The following NBAS variants were observed in gnomAD, a reference collection of about 807,000 sequenced individuals.
The protein encoded by NBAS is NBAS subunit of NRZ tethering complex, also known as NAG/BC035112 fusion.
Under a neutral mutation model 302.5 loss-of-function variants are expected in NBAS, and 219 were observed. The ratio of observed to expected loss-of-function variants is 0.72; its 90% CI spans 0.65 to 0.81. The LOEUF is 0.81. Ranked by LOEUF, NBAS falls within the 30% of genes least tolerant of loss-of-function variation. The pLI is 0.00. For missense variants in NBAS, 2,932 were observed against 2,841.6 expected (o/e 1.03, Z -0.72); for synonymous variants, 1,118 against 1,021.6 (o/e 1.09, Z -1.80).
chr2:15,138,164 A>T, the NBAS span, among the ~76,000 whole-genome samples: 1 of 152,166 alleles, frequency 6.6e-6, no homozygotes, highest in African/African-American at 2.4e-5. Flanking sequence ...AGAGCAGAGG[A>T]TGGGAAACAG....
At chr2:15,358,567 C>T (rs1209556580) in intron 32 of NBAS, among the ~76,000 whole-genome samples, 1 of 152,190 alleles carries the variant, frequency 6.6e-6, no homozygotes, top group African/African-American at 2.4e-5. Flanking sequence ...ACATCAGCCT[C>T]CAGAGTCACT....
the NBAS span, among the ~76,000 whole-genome samples, chr2:15,012,615 T>G: frequency 6.6e-6 from 1 of 152,106 alleles, no homozygotes; most frequent in Non-Finnish European, 1.5e-5. Flanking sequence ...AGTCAAATTG[T>G]CAAAAATCAA....
chr2:15,540,434 A>G (rs966765715), intron 6 of NBAS, among the ~76,000 whole-genome samples: 4 of 152,092 alleles, frequency 2.6e-5, no homozygotes, highest in Admixed American at 1.3e-4. Context: ...GTCTTCTGCC[A>G]TCTGTCTCTT....
chr2:15,156,192 G>A, the NBAS span, among the ~76,000 whole-genome samples: 4 of 152,104 alleles, frequency 2.6e-5, no homozygotes, highest in Non-Finnish European at 4.4e-5. Flanking sequence ...TGACAAAGAC[G>A]GCATTGTTTG....
At chr2:14,879,154 C>T in the NBAS span, among the ~76,000 whole-genome samples, 9 of 152,204 alleles carry the variant, frequency 5.9e-5, no homozygotes, top group Admixed American at 5.9e-4. Flanking sequence ...CTTCTTAGCA[C>T]TGAATAATAT....
the NBAS span, among the ~76,000 whole-genome samples, chr2:14,782,821 C>T: frequency 1.3e-5 from 2 of 152,070 alleles, no homozygotes; most frequent in African/African-American, 4.8e-5. Flanking sequence ...ATGGATAGAG[C>T]TGGAGGCCAT....
chr2:15,491,071 A>C (rs1680835743), intron 11 of NBAS, among the ~76,000 whole-genome samples: 1 of 152,188 alleles, frequency 6.6e-6, no homozygotes, highest in African/African-American at 2.4e-5. Flanking sequence ...TTTTTAAAAA[A>C]CTTCTTCCCT....
At chr2:15,309,695 A>G (rs1671191995) in intron 38 of NBAS, among the ~76,000 whole-genome samples, 1 of 152,200 alleles carries the variant, frequency 6.6e-6, no homozygotes, top group Non-Finnish European at 1.5e-5. Context: ...TACAATGATG[A>G]TAATATGATT....
chr2:15,211,751 A>G (rs3731996), intron 48 of NBAS, among the ~76,000 whole-genome samples: 29,058 of 152,090 alleles, frequency 0.19, 3,520 homozygotes, highest in East Asian at 0.47. Context: ...CTGGGAAAAG[A>G]GTACCCAGAG....
chr2:15,339,362 A>T (rs1672744867), intron 35 of NBAS, among the ~76,000 whole-genome samples: 1 of 152,164 alleles, frequency 6.6e-6, no homozygotes, highest in Admixed American at 6.6e-5. Flanking sequence ...AGGGAAAATA[A>T]GGCAATTTGC....
At chr2:15,147,398 A>C in the NBAS span, among the ~76,000 whole-genome samples, 1 of 152,066 alleles carries the variant, frequency 6.6e-6, no homozygotes, top group South Asian at 2.1e-4. Flanking sequence ...GTTCCAGACC[A>C]GCCTGACCAA....
chr2:15,135,727 C>T, the NBAS span, among the ~76,000 whole-genome samples: 7 of 152,078 alleles, frequency 4.6e-5, no homozygotes, highest in Non-Finnish European at 1.0e-4. Flanking sequence ...ACTCCCCCCT[C>T]CCACCACTTC....
the NBAS span, among the ~76,000 whole-genome samples, chr2:14,966,183 T>C: frequency 6.6e-6 from 1 of 152,192 alleles, no homozygotes; most frequent in East Asian, 1.9e-4. Context: ...CTTGTCAGAC[T>C]TGAAAACTCC....
the NBAS span, among the ~76,000 whole-genome samples, chr2:15,143,357 A>G: frequency 1.3e-5 from 2 of 152,172 alleles, no homozygotes; most frequent in Non-Finnish European, 2.9e-5. Context: ...CCATACCCTC[A>G]GCACCTTCAT....
chr2:15,460,292 G>T (rs1268646531), intron 21 of NBAS, among the ~76,000 whole-genome samples: 1 of 152,172 alleles, frequency 6.6e-6, no homozygotes, highest in African/African-American at 2.4e-5. Context: ...CTAAAAATAT[G>T]CAAAGTGAGT....
chr2:15,220,789 ATCACC>A lies in NBAS; in HGVS notation c.6237-1826_6237-1822del, dbSNP rs60855528. On this transcript the variant is annotated intron_variant, in intron 47 of 51. Transcript: ENST00000281513. The stretch of plus-strand genomic sequence containing the variant: ...ATCCTTATAAGGCTTTTAGCTATAA[ATCACC>A]TAGGCTGAATCCCAGTCTAACTTAC... Among the ~76,000 whole-genome samples the A allele has an allele frequency of 9.0e-3, 1,373 of 152,320 alleles. 17 individuals are homozygous for A. The highest frequency in any genetic ancestry group is 0.031 in the African/African-American group (1,297 of 41,574).
chr2:15,142,768 T>A, the NBAS span, among the ~76,000 whole-genome samples: 3 of 152,158 alleles, frequency 2.0e-5, no homozygotes. Flanking sequence ...TAAGGAACAT[T>A]CCATGGATAG....
At chr2:14,843,803 C>G in the NBAS span, among the ~76,000 whole-genome samples, 1 of 152,110 alleles carries the variant, frequency 6.6e-6, no homozygotes, top group African/African-American at 2.4e-5. Context: ...GAACTTGGTG[C>G]TGCCCTATCA....
the NBAS span, among the ~76,000 whole-genome samples, chr2:15,144,048 AAT>A: frequency 4.3e-4 from 49 of 113,774 alleles, no homozygotes; most frequent in East Asian, 6.8e-3. Context: ...TATATATAAA[AAT>A]ATATATATAT....
Sources: allele counts gnomAD v4.1 joint callset (sites outside exome capture counted in the v4.1 genomes callset), GRCh38; gene constraint gnomAD v4.1.1; transcripts MANE v1.5; gene names NCBI Gene and HGNC (gene_info 2026-07-23, HGNC 2026-07-21).